Variants in ASTN1 observed in about 807,000 individuals in gnomAD.
The protein encoded by ASTN1 is astrotactin 1.
ASTN1 carries 41 observed loss-of-function variants against 140.7 expected under a neutral mutation model. That is an observed-to-expected ratio of 0.29 (90% CI 0.23 to 0.38). ASTN1 has a LOEUF of 0.38. Ranked by LOEUF, ASTN1 falls within the 10% of genes least tolerant of loss-of-function variation. The pLI is 1.00. For synonymous variants in ASTN1, 640 were observed against 652.2 expected (o/e 0.98, Z 0.29); for missense variants, 1,479 against 1,678.8 (o/e 0.88, Z 2.08).
chr1:176,969,171 A>G (rs1161391129), intron 8 of ASTN1, among the ~76,000 whole-genome samples: 2 of 152,192 alleles, frequency 1.3e-5, no homozygotes, highest in Non-Finnish European at 2.9e-5. Context: ...CGCCAAAAAA[A>G]GCCTATCATG....
intron 1 of ASTN1, among the ~76,000 whole-genome samples, chr1:177,082,224 A>G (rs906857854): frequency 6.6e-6 from 1 of 152,152 alleles, no homozygotes; most frequent in African/African-American, 2.4e-5. Flanking sequence ...GGACGAATCT[A>G]CCTATGAGTG....
At chr1:176,951,381 T>C (rs187843204) in intron 11 of ASTN1, among the ~76,000 whole-genome samples, 309 of 152,358 alleles carry the variant, frequency 2.0e-3, no homozygotes, top group African/African-American at 7.2e-3. Flanking sequence ...GATAGAAACC[T>C]GGAAGACATG....
intron 8 of ASTN1, among the ~76,000 whole-genome samples, chr1:177,004,274 T>G (rs975729481): frequency 6.6e-6 from 1 of 150,922 alleles, no homozygotes; most frequent in Non-Finnish European, 1.5e-5. Context: ...AGGTGAAAGA[T>G]CTCTACAGGG....
chr1:177,161,393 T>C (rs1035513500), intron 1 of ASTN1, among the ~76,000 whole-genome samples: 2 of 152,218 alleles, frequency 1.3e-5, no homozygotes, highest in African/African-American at 4.8e-5. Context: ...TCTTCACCTT[T>C]CCTAGTCCAA....
At chr1:177,093,473 T>TA (rs925979420) in intron 1 of ASTN1, among the ~76,000 whole-genome samples, 1 of 151,972 alleles carries the variant, frequency 6.6e-6, no homozygotes, top group East Asian at 1.9e-4. Flanking sequence ...TTTACCAACC[T>TA]AAAAAAAATT....
chr1:177,060,377 G>T (rs1678023930), intron 2 of ASTN1, among the ~76,000 whole-genome samples: 1 of 152,218 alleles, frequency 6.6e-6, no homozygotes, highest in African/African-American at 2.4e-5. Context: ...GCTGGGAGAA[G>T]AGAAAAGAGA....
chr1:177,031,048 A>G (rs1194198249), intron 3 of ASTN1, 96 bp from the exon 4 acceptor site: 3 of 1,339,952 alleles, frequency 2.2e-6, no homozygotes, highest in African/African-American at 1.5e-5. Flanking sequence ...ATAAGGTCTC[A>G]CAGAATTGAA....
At position 177,097,717 on chromosome 1, in the gene ASTN1, C is replaced by T. The variant is rs114248415; in HGVS notation, c.284-36452G>A. 4.3e-3 allele frequency among the ~76,000 whole-genome samples: 660 copies of T among 152,088 alleles called. 6 individuals are homozygous for T. The highest frequency in any genetic ancestry group is 6.0e-3 in the Non-Finnish European group (407 of 67,986). On this transcript the variant is annotated intron_variant, in intron 1 of 22. Transcript: ENST00000361833. ...GTAGGGGAGTTAGTTGCCAGAGTAA[C>T]CAAATTGGTGATTGAAACCTTGGAA... is the stretch of plus-strand genomic sequence containing the variant.
chr1:176,924,642 G>A (rs1360039598), intron 16 of ASTN1, among the ~76,000 whole-genome samples: 1 of 152,298 alleles, frequency 6.6e-6, no homozygotes, highest in African/African-American at 2.4e-5. Flanking sequence ...TATAGAAGGT[G>A]TTAAATAAAT....
chr1:177,108,856 T>C (rs1035522133), intron 1 of ASTN1, among the ~76,000 whole-genome samples: 1 of 152,162 alleles, frequency 6.6e-6, no homozygotes, highest in Non-Finnish European at 1.5e-5. Context: ...ACTGAAGTTA[T>C]ATAGTTGTAG....
intron 7 of ASTN1, among the ~76,000 whole-genome samples, chr1:177,019,629 A>G (rs1331108158): frequency 1.3e-5 from 2 of 152,214 alleles, no homozygotes; most frequent in Non-Finnish European, 2.9e-5. Flanking sequence ...TCTTAAGAAC[A>G]GTTGCTAGTG....
At chr1:177,071,525 T>C (rs1215646546) in intron 1 of ASTN1, among the ~76,000 whole-genome samples, 1 of 152,164 alleles carries the variant, frequency 6.6e-6, no homozygotes, top group African/African-American at 2.4e-5. Context: ...TCCATTCTCA[T>C]CCTCATTCTA....
chr1:176,940,243 C>A (rs1245459371), intron 14 of ASTN1, among the ~76,000 whole-genome samples: 1 of 152,114 alleles, frequency 6.6e-6, no homozygotes, highest in African/African-American at 2.4e-5. Flanking sequence ...GAAAACCAAC[C>A]CATTATCTAG....
At chr1:177,020,084 T>C (rs1369137783) in intron 7 of ASTN1, among the ~76,000 whole-genome samples, 2 of 152,074 alleles carry the variant, frequency 1.3e-5, no homozygotes, top group Non-Finnish European at 2.9e-5. Flanking sequence ...ATGGGGTTTA[T>C]GCCATGTTGT....
At chr1:176,938,581 C>G (rs545056575) in intron 14 of ASTN1, among the ~76,000 whole-genome samples, 12 of 152,184 alleles carry the variant, frequency 7.9e-5, no homozygotes, top group Non-Finnish European at 1.5e-5. Flanking sequence ...ACCTAACTAT[C>G]CTCTCTGGCT....
intron 16 of ASTN1, among the ~76,000 whole-genome samples, chr1:176,923,099 T>G (rs1184239782): frequency 6.6e-6 from 1 of 152,086 alleles, no homozygotes; most frequent in African/African-American, 2.4e-5. Context: ...TAATAAAAAT[T>G]TTGATGCAAT....
Position 177,065,998 on chromosome 1 carries a change from C to T in ASTN1, c.284-4733G>A, listed in dbSNP as rs559039413. Among the ~76,000 whole-genome samples, 6 of 152,262 alleles carry T rather than the reference C, an allele frequency of 3.9e-5. No individual in the cohort carries two copies. The South Asian group carries it at 6.2e-4, about 16-fold the overall frequency. On this transcript the variant is annotated intron_variant, in intron 1 of 22. Coordinates refer to ENST00000361833, the MANE Select transcript of ASTN1 (RefSeq NM_004319.3). ...TGAGTTGCCTTGATTTGAGTTTTCT[C>T]GTCTGAACAAGGAGGATCTGTGTCG... is the stretch of plus-strand genomic sequence containing the variant.
chr1:176,870,723 T>C (rs1392245517), intron 21 of ASTN1, among the ~76,000 whole-genome samples: 1 of 152,220 alleles, frequency 6.6e-6, no homozygotes, highest in Non-Finnish European at 1.5e-5. Context: ...ATAACTTTAG[T>C]ATAGAAGTCC....
chr1:177,123,998 G>A (rs1376937562), intron 1 of ASTN1, among the ~76,000 whole-genome samples: 1 of 152,188 alleles, frequency 6.6e-6, no homozygotes, highest in Non-Finnish European at 1.5e-5. Context: ...ATTTAATTCT[G>A]TTCTCTCTGA....
Sources: gnomAD v4.1 joint callset for allele counts (sites outside exome capture counted in the v4.1 genomes callset) on GRCh38, gnomAD v4.1.1 for gene constraint, MANE v1.5 for transcripts, NCBI Gene and HGNC (gene_info 2026-07-23, HGNC 2026-07-21) for gene names.